Variants in KIF19 observed in about 807,000 individuals in gnomAD.
The protein encoded by KIF19 is kinesin-like protein KIF19.
KIF19 carries 98 observed loss-of-function variants against 106.6 expected under a neutral mutation model. The observed-to-expected ratio is 0.92, with a 90% confidence interval of 0.78 to 1.09. KIF19 has a LOEUF of 1.09. KIF19 is among the 50% of genes least tolerant of loss of function. The pLI, the probability that KIF19 is intolerant of heterozygous loss-of-function variation, is 0.00. For missense variants in KIF19, 1,373 were observed against 1,414.3 expected, an observed-to-expected ratio of 0.97 and a Z score of 0.47; for synonymous variants, 516 against 584.2, an observed-to-expected ratio of 0.88 and a Z score of 1.68.
chr17:74,352,578 G>A (rs939393748), intron 14 of KIF19, among the ~76,000 whole-genome samples: 59 of 152,278 alleles, frequency 3.9e-4, no homozygotes, highest in African/African-American at 1.3e-3. Flanking sequence ...GTCAGGGCTG[G>A]CCATCTGAGA....
At chr17:74,347,223 G>C (rs1016226983) in intron 8 of KIF19, among the ~76,000 whole-genome samples, 2 of 152,238 alleles carry the variant, frequency 1.3e-5, no homozygotes, top group African/African-American at 4.8e-5. Flanking sequence ...GGGGACAATT[G>C]CAAAAGGACT....
At chr17:74,343,926 C>T (rs1000638770) in intron 5 of KIF19, among the ~76,000 whole-genome samples, 4 of 152,162 alleles carry the variant, frequency 2.6e-5, no homozygotes, top group East Asian at 1.9e-4. Flanking sequence ...AATGGGGATT[C>T]ACACTCAGGA....
In KIF19 at chr17:74,355,228, T is replaced by C; in HGVS notation, c.2913T>C (p.Gly971=). 1.2e-6 allele frequency: 2 copies of C among 1,612,656 alleles called. No individual in the cohort carries two copies. Among genetic ancestry groups the C allele is most frequent in the Non-Finnish European group, 8.5e-7 (1 of 1,179,624 alleles). ...TGGCTGTTCCCCCCAACCCAGGTGG[T>C]GGTTCTCGACGGGCTACCCGTGGGC... ...SPLAVPPNPG[G]GSRRATRGPR... The change falls in exon 20 of 20, where the codon GGT becomes GGC. Residue 971 remains glycine (G), a synonymous_variant. Coordinates refer to ENST00000389916, the MANE Select transcript of KIF19 (RefSeq NM_153209.4).
intron 2 of KIF19, among the ~76,000 whole-genome samples, chr17:74,337,397 C>T (rs553556105): frequency 6.6e-5 from 10 of 152,184 alleles, no homozygotes; most frequent in Middle Eastern, 3.4e-3. Context: ...TAGATGCACA[C>T]GTCAGTTCTC....
rs764792910 is a variant in KIF19, at chr17:74,351,936, C to G, written c.1657C>G (p.Arg553Gly). ...GCGCCTGGAGGAGACGCTGCCGCGG[C>G]GCATCGGCTCCGAGGAGCAGCGCGA... is the stretch of plus-strand genomic sequence containing the variant. Reference protein sequence around the residue: ...GRRLEETLPRRIGSEEQREVL... With the variant: ...GRRLEETLPRGIGSEEQREVL... Residue 553 changes from arginine (R) to glycine (G), a missense_variant, in exon 13 of 20, where the codon CGC (arginine) becomes GGC (glycine). By Grantham distance (125) the Arg-to-Gly change is moderately radical (BLOSUM62 -2). This residue lies in a region of KIF19 where 1,020 missense variants were observed against 1,008.2 expected (regional missense o/e 1.01). Transcript: ENST00000389916. The G allele has an allele frequency of 1.6e-5, 24 of 1,456,508 alleles. No individual in the cohort carries two copies. Among genetic ancestry groups the G allele is most frequent in the Non-Finnish European group, 2.0e-5 (22 of 1,110,954 alleles). 90.2% of individuals were successfully genotyped at this position (1,456,508 alleles called of 1,614,324 possible). A position where few individuals can be genotyped will look rare whatever the true frequency, so the allele number is the denominator to read the frequency against.
intron 4 of KIF19, 35 bp downstream of exon 4, chr17:74,342,752 C>A (rs2054416352): frequency 6.4e-7 from 1 of 1,571,978 alleles, no homozygotes; most frequent in East Asian, 2.2e-5. Flanking sequence ...GCGAGGACCG[C>A]AATGCCCCTG....
Position 74,326,244 on chromosome 17 carries a change from C to T in KIF19, c.-106C>T, listed in dbSNP as rs887282677. On this transcript the variant is annotated 5_prime_UTR_variant, in exon 1 of 20. Transcript: ENST00000389916. ...TGGTTTCGGGTTGTCAGGCAGCGCG[C>T]GAGGCGGCGGGCAGCTAGCAGCTGG... is the stretch of plus-strand genomic sequence containing the variant. 2.8e-6 allele frequency: 3 copies of T among 1,061,128 alleles called. No individual in the cohort carries two copies. Among genetic ancestry groups the T allele is most frequent in the Non-Finnish European group, 4.0e-6 (3 of 748,574 alleles). 65.7% of individuals were successfully genotyped at this position (1,061,128 alleles called of 1,614,324 possible).
chr17:74,354,354 G>C lies in KIF19; in HGVS notation c.2501G>C (p.Ser834Thr). The change falls in exon 18 of 20, where the codon AGC becomes ACC. Residue 834 changes from serine to threonine, a missense_variant. Ser to Thr is a moderately conservative substitution (Grantham distance 58). This residue lies in a region of KIF19 where 1,020 missense variants were observed against 1,008.2 expected (regional missense o/e 1.01). Coordinates refer to ENST00000389916, the MANE Select transcript of KIF19 (RefSeq NM_153209.4). ...PGPLACKRPP[S>T]PTLQHAASED... ...CCACTGGCCTGCAAGCGGCCGCCCA[G>C]CCCCACACTACAGCATGCTGCCAGT... 1 of 1,606,648 alleles carries C rather than the reference G, an allele frequency of 6.2e-7. No homozygotes were observed. Among genetic ancestry groups the C allele is most frequent in the Non-Finnish European group, 8.5e-7 (1 of 1,177,268 alleles).
Position 74,341,802 on chromosome 17 carries a change from C to T in KIF19, c.121-74C>T, listed in dbSNP as rs114863944. 5.7e-4 allele frequency: 564 copies of T among 988,448 alleles called. 3 individuals carry two copies. The African/African-American group carries it at 7.8e-3, about 14-fold the overall frequency. 61.2% of individuals were successfully genotyped at this position (988,448 alleles called of 1,614,324 possible). A position where few individuals can be genotyped will look rare whatever the true frequency, so the allele number is the denominator to read the frequency against. On this transcript the variant is annotated intron_variant, in intron 2 of 19. Transcript: ENST00000389916. ...TCGACAAAGGGGTTAACTTTGTTAACCTTCCTGAGGGTTGACCTCATCAGG... is the reference window on the plus strand; with the variant it reads ...TCGACAAAGGGGTTAACTTTGTTAATCTTCCTGAGGGTTGACCTCATCAGG...
chr17:74,349,122 A>G (rs765478532), intron 9 of KIF19, 62 bp from the exon 10 acceptor site: 61 of 1,577,740 alleles, frequency 3.9e-5, no homozygotes, highest in Non-Finnish European at 5.0e-5. Context: ...CCCTGCAGGC[A>G]GGCCTCGGTG....
rs2144247532 is a variant in KIF19, at chr17:74,341,907, C to T, written c.152C>T (p.Pro51Leu). ...GTTCTCATGGACCCAATGGAGGATC[C>T]CGACGACATCCTGCGGGCGCATCGC... ...MVVLMDPMED[P>L]DDILRAHRSR... Residue 51 changes from proline (P) to leucine (L), a missense_variant, in exon 3 of 20, where the codon CCC (proline) becomes CTC (leucine). Around this residue, in one of 3 missense-constraint regions of KIF19, gnomAD observed 348 missense variants for 389.5 expected, o/e 0.89. Coordinates refer to ENST00000389916, the MANE Select transcript of KIF19 (RefSeq NM_153209.4). 6.2e-7 allele frequency: 1 copy of T among 1,613,706 alleles called. No homozygotes were observed. Among genetic ancestry groups the T allele is most frequent in the Non-Finnish European group, 8.5e-7 (1 of 1,179,830 alleles).
chr17:74,354,661 C>T (rs756524150), intron 18 of KIF19, 102 bp downstream of exon 18: 7 of 1,523,400 alleles, frequency 4.6e-6, no homozygotes, highest in Admixed American at 4.0e-5. Context: ...TAGCCTACCC[C>T]ATACCTGGAG....
At chr17:74,328,688 T>C in intron 2 of KIF19, 183 bp downstream of exon 2, 1 of 561,274 alleles carries the variant, frequency 1.8e-6, no homozygotes, top group East Asian at 3.1e-5. Flanking sequence ...CCAGGAAGCC[T>C]TCCTAGATTG....
Position 74,354,964 on chromosome 17 carries a change from T to G in KIF19, c.2866+23T>G, listed in dbSNP as rs1019634058. On this transcript the variant is annotated intron_variant, in intron 19 of 19. Transcript: ENST00000389916. ...CGGGTCAGTATGGGCAAGGAGGGGA[T>G]GGGGAGGGGAGGCCTCCACCAGGCA... 4 of 1,574,222 alleles carry G rather than the reference T, an allele frequency of 2.5e-6. No homozygotes were observed. The African/African-American group carries it at 5.4e-5, about 21-fold the overall frequency.
rs746096971 is a variant in KIF19, at chr17:74,342,750, C to T, written c.319+33C>T. 1.8e-5 allele frequency: 29 copies of T among 1,571,726 alleles called. No homozygotes were observed. The Middle Eastern group carries it at 5.0e-4, about 27-fold the overall frequency. Reference sequence around the variant, plus strand: ...GAATGCCCAGACTGTGGGCGAGGACCGCAATGCCCCTGTAATCCCCGTCAC... The same window carrying T: ...GAATGCCCAGACTGTGGGCGAGGACTGCAATGCCCCTGTAATCCCCGTCAC... On this transcript the variant is annotated intron_variant, in intron 4 of 19. Transcript: ENST00000389916.
intron 2 of KIF19, among the ~76,000 whole-genome samples, chr17:74,335,329 A>AT (rs1339871955): frequency 6.6e-6 from 1 of 152,268 alleles, no homozygotes; most frequent in Non-Finnish European, 1.5e-5. Flanking sequence ...GTGCTCAGGC[A>AT]TTTGGAGGCC....
At chr17:74,339,775 C>G (rs73362550) in intron 2 of KIF19, among the ~76,000 whole-genome samples, 1 of 152,202 alleles carries the variant, frequency 6.6e-6, no homozygotes, top group Non-Finnish European at 1.5e-5. Context: ...CATTTAGAGG[C>G]GCCAGCTGCC....
chr17:74,326,287 C>A lies in KIF19; in HGVS notation c.-63C>A. The A allele has an allele frequency of 6.7e-7, 1 of 1,503,342 alleles. No homozygotes were observed. Among genetic ancestry groups the A allele is most frequent in the Non-Finnish European group, 9.0e-7 (1 of 1,110,714 alleles). The allele number at this position is 1,503,342 out of a possible 1,614,324, so 93.1% of individuals were successfully genotyped here. On this transcript the variant is annotated 5_prime_UTR_variant, in exon 1 of 20. Transcript: ENST00000389916. ...GCAGCTGGCGGACGCGACCCGGAGG[C>A]GGTGGGGGTGCGGCTGAGCCATGCC... is the stretch of plus-strand genomic sequence containing the variant.
chr17:74,328,133 G>A (rs1275357241), intron 1 of KIF19, among the ~76,000 whole-genome samples: 1 of 152,202 alleles, frequency 6.6e-6, no homozygotes, highest in African/African-American at 2.4e-5. Flanking sequence ...TTCAAGCCCA[G>A]GGGAGCTGCG....
Sources: gnomAD v4.1 joint callset for allele counts (sites outside exome capture counted in the v4.1 genomes callset) on GRCh38, gnomAD v4.1.1 for gene constraint, gnomAD v4.1.1 regional missense constraint, MANE v1.5 for transcripts, NCBI Gene and HGNC (gene_info 2026-07-23, HGNC 2026-07-21) for gene names.